The following TRPC4 variants were observed in gnomAD, a reference collection of about 807,000 sequenced individuals.
The protein encoded by TRPC4 is transient receptor potential cation channel subfamily C member 4.
TRPC4 carries 49 observed loss-of-function variants against 99.4 expected under a neutral mutation model. The observed-to-expected ratio is 0.49, with a 90% CI of 0.39 to 0.63. TRPC4 has a LOEUF of 0.63. Among genes scored for constraint, TRPC4 ranks in the 20% least tolerant of loss-of-function variants. TRPC4 has a pLI of 0.00. For missense variants in TRPC4, 898 were observed against 1,152.9 expected (o/e 0.78, Z 3.20); for synonymous variants, 454 against 425.9 (o/e 1.07, Z -0.81).
At chr13:37,651,200 A>C in intron 8 of TRPC4, 65 bp downstream of exon 8, 1 of 1,575,912 alleles carries the variant, frequency 6.3e-7, no homozygotes, top group East Asian at 2.3e-5. Flanking sequence ...TGTACAATAA[A>C]GAATACAAAT....
At chr13:37,824,202 A>T (rs1346150226) in intron 1 of TRPC4, among the ~76,000 whole-genome samples, 1 of 150,946 alleles carries the variant, frequency 6.6e-6, no homozygotes, top group Non-Finnish European at 1.5e-5. Context: ...TAGATATAAA[A>T]TCATGTCATC....
intron 1 of TRPC4, among the ~76,000 whole-genome samples, chr13:37,818,196 G>A (rs1212043872): frequency 1.3e-5 from 2 of 148,406 alleles, no homozygotes; most frequent in East Asian, 4.0e-4. Context: ...CCCCAAAAGT[G>A]CACAAAGGAT....
intron 3 of TRPC4, among the ~76,000 whole-genome samples, chr13:37,732,899 C>A (rs912850591): frequency 6.6e-6 from 1 of 152,052 alleles, no homozygotes; most frequent in Admixed American, 6.6e-5. Flanking sequence ...GAAGCAACTA[C>A]GGATTCAACT....
chr13:37,814,493 T>G (rs572819772), intron 1 of TRPC4, among the ~76,000 whole-genome samples: 1 of 151,948 alleles, frequency 6.6e-6, no homozygotes, highest in Non-Finnish European at 1.5e-5. Flanking sequence ...AACATAAAAT[T>G]AATTATATGT....
chr13:37,694,220 T>A (rs1953833699), intron 3 of TRPC4, among the ~76,000 whole-genome samples: 1 of 152,150 alleles, frequency 6.6e-6, no homozygotes, highest in Non-Finnish European at 1.5e-5. Context: ...TGAAAAGTCT[T>A]GATAAAAGAG....
At chr13:37,668,534 T>G (rs1333029873) in intron 5 of TRPC4, among the ~76,000 whole-genome samples, 1 of 152,102 alleles carries the variant, frequency 6.6e-6, no homozygotes, top group Non-Finnish European at 1.5e-5. Flanking sequence ...TTGGGAACAG[T>G]GAGATGAGTA....
rs561217557 is a variant in TRPC4, at chr13:37,822,254, A to T, written c.-27-38894T>A. ...CAAATCAAAACCACAATGAGATACC[A>T]TCTCAAATTAATCAGAATGGTTTTT... is the stretch of plus-strand genomic sequence containing the variant. On this transcript the variant is annotated intron_variant, in intron 1 of 10. Transcript: ENST00000379705. Among the ~76,000 whole-genome samples, 7 of 150,976 alleles carry T rather than the reference A, an allele frequency of 4.6e-5. No homozygotes were observed. The East Asian group carries it at 1.4e-3, about 30-fold the overall frequency.
chr13:37,745,899 C>G, intron 3 of TRPC4, 38 bp downstream of exon 3: 1 of 1,577,788 alleles, frequency 6.3e-7, no homozygotes, highest in Non-Finnish European at 8.6e-7. Flanking sequence ...TGATTAAACT[C>G]TATGGCATTT....
At chr13:37,846,330 A>G (rs1279516835) in intron 1 of TRPC4, among the ~76,000 whole-genome samples, 3 of 152,156 alleles carry the variant, frequency 2.0e-5, no homozygotes, top group African/African-American at 7.2e-5. Flanking sequence ...CTTTATCTCT[A>G]CTAGGAGAAT....
intron 8 of TRPC4, among the ~76,000 whole-genome samples, chr13:37,648,800 C>G (rs779104515): frequency 1.1e-4 from 17 of 152,142 alleles, no homozygotes; most frequent in Admixed American, 2.6e-4. Context: ...CATGAGTCAA[C>G]AGTGAGAGGA....
chr13:37,745,290 C>T (rs573806582), intron 3 of TRPC4, among the ~76,000 whole-genome samples: 25 of 151,462 alleles, frequency 1.7e-4, no homozygotes, highest in Admixed American at 4.0e-4. Flanking sequence ...GTTGGCCCTA[C>T]GGGACCCATG....
intron 1 of TRPC4, among the ~76,000 whole-genome samples, chr13:37,804,539 T>C (rs545358094): frequency 3.7e-4 from 56 of 152,246 alleles, no homozygotes; most frequent in African/African-American, 1.3e-3. Context: ...AGAAATAGTT[T>C]CAACTACAAA....
intron 3 of TRPC4, among the ~76,000 whole-genome samples, chr13:37,726,277 T>A (rs1299018382): frequency 2.0e-5 from 3 of 152,086 alleles, no homozygotes; most frequent in Admixed American, 6.6e-5. Flanking sequence ...AAGAGACAAA[T>A]GCATTTTAAA....
chr13:37,712,443 G>C (rs143734694), intron 3 of TRPC4, among the ~76,000 whole-genome samples: 7 of 152,278 alleles, frequency 4.6e-5, no homozygotes, highest in African/African-American at 1.7e-4. Context: ...GCCCTGCCTA[G>C]GCAATGATAC....
chr13:37,662,774 C>T (rs1027840068), intron 6 of TRPC4, among the ~76,000 whole-genome samples: 6 of 152,148 alleles, frequency 3.9e-5, no homozygotes, highest in African/African-American at 1.2e-4. Context: ...GCTGTGTGAC[C>T]ATCAGACACA....
At chr13:37,777,261 G>T (rs1310725737) in intron 2 of TRPC4, among the ~76,000 whole-genome samples, 1 of 151,896 alleles carries the variant, frequency 6.6e-6, no homozygotes, top group Non-Finnish European at 1.5e-5. Context: ...TTGACTCACA[G>T]TTCCACAGGC....
chr13:37,814,321 A>G (rs1325092673), intron 1 of TRPC4, among the ~76,000 whole-genome samples: 1 of 147,926 alleles, frequency 6.8e-6, no homozygotes, highest in Admixed American at 7.0e-5. Flanking sequence ...AGAGGTTTTG[A>G]CCAGGGCAAT....
At chr13:37,724,880 T>A (rs535959798) in intron 3 of TRPC4, among the ~76,000 whole-genome samples, 1 of 152,290 alleles carries the variant, frequency 6.6e-6, no homozygotes, top group African/African-American at 2.4e-5. Context: ...AATGCCTGAA[T>A]GAATGAATTA....
chr13:37,752,555 C>A (rs79535861), intron 2 of TRPC4, among the ~76,000 whole-genome samples: 12,004 of 151,776 alleles, frequency 0.079, 615 homozygotes, highest in Admixed American at 0.15. Flanking sequence ...AGGACCTAAT[C>A]TCTCTCTAGA....
Sources: gnomAD v4.1 joint callset for allele counts (sites outside exome capture counted in the v4.1 genomes callset) on GRCh38, gnomAD v4.1.1 for gene constraint, MANE v1.5 for transcripts, NCBI Gene and HGNC (gene_info 2026-07-23, HGNC 2026-07-21) for gene names.